Variants in TRIM36 observed in about 807,000 individuals in gnomAD.
The protein encoded by TRIM36 is E3 ubiquitin-protein ligase TRIM36.
In TRIM36, 42 loss-of-function variants were observed where a neutral mutation model predicts 72.4. That is an observed-to-expected ratio of 0.58 (90% CI 0.45 to 0.75). The LOEUF (loss-of-function observed/expected upper bound fraction) is 0.75. TRIM36 is among the 30% of genes least tolerant of loss of function. The pLI is 0.00. For missense variants in TRIM36, 913 were observed against 857.1 expected (o/e 1.07, Z -0.81); for synonymous variants, 315 against 282.8 (o/e 1.11, Z -1.14).
chr5:115,136,305 C>CACAA (rs55682764), intron 7 of TRIM36, among the ~76,000 whole-genome samples: 150,779 of 152,174 alleles, frequency 0.99, 74,711 homozygotes, highest in Middle Eastern at 1. Context: ...CTCACACACA[C>CACAA]ACAGAGGACC....
Position 115,137,116 on chromosome 5 carries a change from T to C in TRIM36, c.1094A>G (p.Lys365Arg). The change falls in exon 7 of 10, where the codon AAA becomes AGA. Residue 365 changes from lysine to arginine, a missense_variant. Lys to Arg is a conservative substitution (Grantham distance 26). Transcript: ENST00000513154. ...AAAGCTCTTCAAAGATTCTGTGGCT[T>C]TCTGTATTCTGCAGACAGATATTTT... Reference protein sequence around the residue: ...TAKQLHLRIQKATESLKSFRP... With the variant: ...TAKQLHLRIQRATESLKSFRP... 1.3e-6 allele frequency: 2 copies of C among 1,591,904 alleles called. No homozygotes were observed. The highest frequency in any genetic ancestry group is 1.7e-6 in the Non-Finnish European group (2 of 1,173,338).
intron 8 of TRIM36, among the ~76,000 whole-genome samples, chr5:115,132,149 C>T (rs1253652308): frequency 2.0e-5 from 3 of 151,058 alleles, no homozygotes; most frequent in African/African-American, 7.3e-5. Flanking sequence ...CCAGCAAAGG[C>T]AACATAGTGA....
chr5:115,165,235 T>C (rs1202692519), intron 1 of TRIM36, among the ~76,000 whole-genome samples: 6 of 152,148 alleles, frequency 3.9e-5, no homozygotes, highest in African/African-American at 9.7e-5. Context: ...AGGACCATGG[T>C]CCTCTTCTCA....
intron 5 of TRIM36, 33 bp from the exon 6 acceptor site, chr5:115,137,649 A>AT: frequency 6.5e-7 from 1 of 1,528,674 alleles, no homozygotes; most frequent in Non-Finnish European, 8.7e-7. Flanking sequence ...TTACACTAAG[A>AT]TAAAACAAAG....
chr5:115,132,349 C>A (rs1379780781), intron 8 of TRIM36, among the ~76,000 whole-genome samples: 1 of 151,906 alleles, frequency 6.6e-6, no homozygotes, highest in Admixed American at 6.6e-5. Flanking sequence ...GCCTGGCCAA[C>A]ATGGTGAAAC....
upstream of TRIM36, among the ~76,000 whole-genome samples, chr5:115,174,786 A>C (rs1561452751): frequency 6.6e-6 from 1 of 152,156 alleles, no homozygotes; most frequent in African/African-American, 2.4e-5. Flanking sequence ...TCGACCATTT[A>C]AGCTTTTATT....
intron 2 of TRIM36, among the ~76,000 whole-genome samples, chr5:115,160,038 TAAAATG>T (rs1754395663): frequency 6.6e-6 from 1 of 151,548 alleles, no homozygotes; most frequent in South Asian, 2.1e-4. Context: ...AAAAAAAAAC[TAAAATG>T]AACATATTCA....
intron 4 of TRIM36, among the ~76,000 whole-genome samples, chr5:115,141,597 A>G (rs1282629789): frequency 1.3e-5 from 2 of 152,244 alleles, no homozygotes; most frequent in Admixed American, 6.5e-5. Flanking sequence ...GTTGGAAAAA[A>G]GAACAAGGTA....
intron 1 of TRIM36, among the ~76,000 whole-genome samples, chr5:115,179,683 C>T (rs981922071): frequency 2.0e-5 from 3 of 152,338 alleles, no homozygotes; most frequent in South Asian, 2.1e-4. Flanking sequence ...CTCCATCTTC[C>T]GACGCTGGGC....
intron 2 of TRIM36, among the ~76,000 whole-genome samples, chr5:115,151,182 T>C (rs1232699221): frequency 6.6e-6 from 1 of 152,058 alleles, no homozygotes; most frequent in East Asian, 1.9e-4. Flanking sequence ...CTTGGTACTG[T>C]TGTTGGGGGT....
At position 115,162,282 on chromosome 5, in the gene TRIM36, C is replaced by T. The variant is rs560542180; in HGVS notation, c.262+1236G>A. Among the ~76,000 whole-genome samples the T allele has an allele frequency of 2.8e-4, 43 of 152,282 alleles. No homozygotes were observed. In the South Asian group the frequency reaches 6.8e-3, roughly 24 times the overall value. On this transcript the variant is annotated intron_variant, in intron 2 of 9. Transcript: ENST00000513154. ...GAGAAACATCCCAGTAATGCTATTTCGGATCTAGACAGTGAAATGTATGGT... is the reference window on the plus strand; with the variant it reads ...GAGAAACATCCCAGTAATGCTATTTTGGATCTAGACAGTGAAATGTATGGT...
chr5:115,136,195 T>C (rs1423266153), intron 7 of TRIM36, among the ~76,000 whole-genome samples: 1 of 150,124 alleles, frequency 6.7e-6, no homozygotes, highest in Non-Finnish European at 1.5e-5. Context: ...TATTTTAAAA[T>C]AGGGTCTTTA....
chr5:115,152,541 A>G (rs1017392404), intron 2 of TRIM36, among the ~76,000 whole-genome samples: 1 of 152,334 alleles, frequency 6.6e-6, no homozygotes, highest in East Asian at 1.9e-4. Flanking sequence ...AATTCATCGC[A>G]AAAAGATCAC....
intron 1 of TRIM36, chr5:115,179,929 C>A (rs370591481): frequency 6.3e-7 from 1 of 1,576,300 alleles, no homozygotes; most frequent in East Asian, 2.2e-5. Flanking sequence ...CAGGTAGTGC[C>A]GGAGTCGGGG....
intron 3 of TRIM36, 51 bp from the exon 4 acceptor site, chr5:115,144,795 C>A: frequency 6.6e-7 from 1 of 1,522,206 alleles, no homozygotes. Context: ...TTCAAGTAAT[C>A]TAACAAATTA....
chr5:115,157,979 G>A (rs564735068), intron 2 of TRIM36, among the ~76,000 whole-genome samples: 4 of 152,118 alleles, frequency 2.6e-5, no homozygotes, highest in South Asian at 4.1e-4. Flanking sequence ...GGTGGGAAGC[G>A]GGTGAGGGAC....
chr5:115,128,758 C>CAAAAAAAAAAAAAAAAAAAAAA (rs58384978), intron 9 of TRIM36, among the ~76,000 whole-genome samples: 13 of 47,014 alleles, frequency 2.8e-4, no homozygotes, highest in Non-Finnish European at 4.6e-4. Context: ...GACTCCGTCT[C>CAAAAAAAAAAAAAAAAAAAAAA]AAAAAAAAAA....
chr5:115,168,033 A>T (rs1381552416), intron 1 of TRIM36, among the ~76,000 whole-genome samples: 1 of 152,182 alleles, frequency 6.6e-6, no homozygotes, highest in Non-Finnish European at 1.5e-5. Flanking sequence ...ACCATCAGAT[A>T]TTGGGAGAAT....
chr5:115,169,520 C>A, intron 1 of TRIM36, 88 bp downstream of exon 1: 1 of 1,387,260 alleles, frequency 7.2e-7, no homozygotes, highest in Non-Finnish European at 9.7e-7. Flanking sequence ...GGAGGAGGCT[C>A]CCTCCGGGCT....
Sources: allele counts gnomAD v4.1 joint callset (sites outside exome capture counted in the v4.1 genomes callset), GRCh38; gene constraint gnomAD v4.1.1; transcripts MANE v1.5; gene names NCBI Gene and HGNC (gene_info 2026-07-23, HGNC 2026-07-21).